Variants in ADAMTS6 observed in about 807,000 individuals in gnomAD.
ADAMTS6 encodes the protein A disintegrin and metalloproteinase with thrombospondin motifs 6.
ADAMTS6 carries 23 observed loss-of-function variants against 144.3 expected under a neutral mutation model. That is an observed-to-expected ratio of 0.16 (90% CI 0.11 to 0.23). The LOEUF is 0.23. Among genes scored for constraint, ADAMTS6 ranks in the 10% least tolerant of loss-of-function variants. The pLI is 1.00. For missense variants in ADAMTS6, 999 were observed against 1,379.6 expected (o/e 0.72, Z 4.37); for synonymous variants, 444 against 457.5 (o/e 0.97, Z 0.38).
intron 22 of ADAMTS6, among the ~76,000 whole-genome samples, chr5:65,178,688 A>G (rs1754136964): frequency 1.3e-5 from 2 of 152,242 alleles, no homozygotes; most frequent in Admixed American, 1.3e-4. Context: ...TCCTGTTAGC[A>G]CAAGAAGCAG....
chr5:65,243,410 G>A (rs992583005), intron 14 of ADAMTS6, among the ~76,000 whole-genome samples: 3 of 152,000 alleles, frequency 2.0e-5, no homozygotes, highest in Admixed American at 1.3e-4. Flanking sequence ...TATATAATAC[G>A]GTTCAATTTT....
chr5:65,394,095 T>C (rs761112159), intron 7 of ADAMTS6, among the ~76,000 whole-genome samples: 23 of 152,180 alleles, frequency 1.5e-4, no homozygotes, highest in African/African-American at 1.9e-4. Context: ...TTTGACATTC[T>C]CCTCAAGAGG....
chr5:65,432,160 G>T (rs1757047321), intron 7 of ADAMTS6, among the ~76,000 whole-genome samples: 1 of 151,932 alleles, frequency 6.6e-6, no homozygotes. Context: ...TAGTGGGGTA[G>T]GGTACAAAAG....
intron 20 of ADAMTS6, among the ~76,000 whole-genome samples, chr5:65,206,559 G>A (rs937356993): frequency 1.3e-5 from 2 of 151,954 alleles, no homozygotes; most frequent in African/African-American, 4.8e-5. Flanking sequence ...AATCAGCCGG[G>A]CATGGTGGCA....
chr5:65,371,999 C>T (rs62370666), intron 7 of ADAMTS6, among the ~76,000 whole-genome samples: 5,971 of 151,838 alleles, frequency 0.039, 172 homozygotes, highest in Non-Finnish European at 0.066. Context: ...TTTTCAACCC[C>T]GAATTTCATA....
chr5:65,289,031 A>T (rs181525313), intron 11 of ADAMTS6, among the ~76,000 whole-genome samples: 97 of 152,364 alleles, frequency 6.4e-4, no homozygotes, highest in African/African-American at 2.3e-3. Context: ...CTTTGTTAGT[A>T]ACATATTGCA....
At chr5:65,193,754 A>G (rs1057355506) in intron 21 of ADAMTS6, among the ~76,000 whole-genome samples, 6 of 152,154 alleles carry the variant, frequency 3.9e-5, no homozygotes, top group Non-Finnish European at 8.8e-5. Context: ...ATTATAAAGA[A>G]CAGTTTCAGA....
chr5:65,469,696 A>G (rs1029881590), intron 3 of ADAMTS6, among the ~76,000 whole-genome samples: 4 of 152,250 alleles, frequency 2.6e-5, no homozygotes, highest in African/African-American at 7.2e-5. Flanking sequence ...GCACATTCCT[A>G]TATACATCTA....
chr5:65,383,302 G>A (rs1383608248), intron 7 of ADAMTS6, among the ~76,000 whole-genome samples: 1 of 152,062 alleles, frequency 6.6e-6, no homozygotes, highest in Non-Finnish European at 1.5e-5. Context: ...ATATTGGTGA[G>A]ACTCAAGGTT....
At chr5:65,185,519 T>C (rs1370407461) in intron 22 of ADAMTS6, among the ~76,000 whole-genome samples, 2 of 152,244 alleles carry the variant, frequency 1.3e-5, no homozygotes, top group Non-Finnish European at 2.9e-5. Flanking sequence ...ATGCTTTATC[T>C]GAGGCAGTGG....
intron 7 of ADAMTS6, among the ~76,000 whole-genome samples, chr5:65,383,256 C>A (rs1207146275): frequency 6.6e-6 from 1 of 152,140 alleles, no homozygotes. Flanking sequence ...AGTCTTAACT[C>A]ACCCTAATAT....
At chr5:65,278,537 G>C (rs1231543149) in intron 11 of ADAMTS6, among the ~76,000 whole-genome samples, 1 of 152,128 alleles carries the variant, frequency 6.6e-6, no homozygotes, top group Admixed American at 6.6e-5. Context: ...GGAGTAAGGT[G>C]GTATCTCACT....
chr5:65,400,013 T>C (rs978123448), intron 7 of ADAMTS6, among the ~76,000 whole-genome samples: 2 of 152,224 alleles, frequency 1.3e-5, no homozygotes, highest in Non-Finnish European at 2.9e-5. Flanking sequence ...TGAAGGATAA[T>C]TTCACAGGGT....
intron 8 of ADAMTS6, among the ~76,000 whole-genome samples, chr5:65,332,287 G>GTATATATATA (rs367547551): frequency 7.6e-5 from 9 of 117,980 alleles, no homozygotes; most frequent in East Asian, 2.5e-4. Flanking sequence ...GACAGTGAGG[G>GTATATATATA]TATATATATA....
chr5:65,299,636 T>C (rs1743175096), intron 10 of ADAMTS6, among the ~76,000 whole-genome samples: 1 of 152,196 alleles, frequency 6.6e-6, no homozygotes, highest in African/African-American at 2.4e-5. Flanking sequence ...CTCAGTTTTT[T>C]CACTGACAAA....
intron 14 of ADAMTS6, among the ~76,000 whole-genome samples, chr5:65,248,132 A>G (rs946434851): frequency 1.3e-5 from 2 of 152,222 alleles, no homozygotes; most frequent in Non-Finnish European, 2.9e-5. Context: ...AGTTGCAAAC[A>G]AATTTCCTGA....
At chr5:65,223,057 T>A (rs1034002779) in intron 18 of ADAMTS6, among the ~76,000 whole-genome samples, 22 of 152,144 alleles carry the variant, frequency 1.4e-4, no homozygotes, top group South Asian at 8.3e-4. Context: ...AAAATCCATA[T>A]GGATAAAATT....
chr5:65,183,377 G>A (rs1561257085), intron 22 of ADAMTS6, among the ~76,000 whole-genome samples: 2 of 151,830 alleles, frequency 1.3e-5, no homozygotes, highest in African/African-American at 2.4e-5. Flanking sequence ...TTACATTCAC[G>A]GAACTCTTTT....
intron 14 of ADAMTS6, among the ~76,000 whole-genome samples, chr5:65,257,411 T>C (rs1760779540): frequency 6.6e-6 from 1 of 152,174 alleles, no homozygotes; most frequent in African/African-American, 2.4e-5. Flanking sequence ...CTGTATTTCC[T>C]ACTATTCTGG....
Sources: allele counts gnomAD v4.1 joint callset (sites outside exome capture counted in the v4.1 genomes callset), GRCh38; gene constraint gnomAD v4.1.1; transcripts MANE v1.5; gene names NCBI Gene and HGNC (gene_info 2026-07-23, HGNC 2026-07-21).